Variants in ABCB4 observed in about 807,000 individuals in gnomAD.
ABCB4 encodes ATP binding cassette subfamily B member 4, also known as phosphatidylcholine translocator ABCB4.
Under a neutral mutation model 145.7 loss-of-function variants are expected in ABCB4, and 76 were observed. The ratio of observed to expected loss-of-function variants is 0.52; its 90% CI spans 0.43 to 0.63. The LOEUF (loss-of-function observed/expected upper bound fraction) is 0.63. Among genes scored for constraint, ABCB4 ranks in the 30% least tolerant of loss-of-function variants. The pLI, the probability that ABCB4 is intolerant of heterozygous loss-of-function variation, is 0.00. For missense variants in ABCB4, 1,234 were observed against 1,553.1 expected (o/e 0.79, Z 3.45); for synonymous variants, 517 against 566.8 (o/e 0.91, Z 1.25).
intron 18 of ABCB4, among the ~76,000 whole-genome samples, chr7:87,421,489 T>C (rs1212375778): frequency 6.6e-6 from 1 of 152,160 alleles, no homozygotes; most frequent in Admixed American, 6.5e-5. Context: ...AATAAAAAAC[T>C]TGGTTTACTT....
intron 19 of ABCB4, among the ~76,000 whole-genome samples, 184 bp downstream of exon 19, chr7:87,419,814 C>CA (rs1274551920): frequency 5.1e-5 from 7 of 136,362 alleles, no homozygotes; most frequent in Admixed American, 2.1e-4. Flanking sequence ...AAAAAAAAAA[C>CA]AAAAAAAACA....
upstream of ABCB4, chr7:87,475,735 C>G (rs1813773486): frequency 2.6e-6 from 1 of 385,996 alleles, no homozygotes; most frequent in Non-Finnish European, 4.6e-6. Context: ...CCCCCGCCCC[C>G]GCCCCCCACG....
chr7:87,409,115 A>T, intron 24 of ABCB4, 121 bp downstream of exon 24: 2 of 1,213,682 alleles, frequency 1.6e-6, no homozygotes, highest in Non-Finnish European at 2.4e-6. Flanking sequence ...TATAAATATT[A>T]CAAATTAAAT....
At chr7:87,395,000 C>T in the ABCB4 span, among the ~76,000 whole-genome samples, 1 of 151,448 alleles carries the variant, frequency 6.6e-6, no homozygotes, top group Non-Finnish European at 1.5e-5. Flanking sequence ...AAAAAAAATG[C>T]CACAAAGGAC....
chr7:87,442,269 T>C (rs1811041252), intron 12 of ABCB4, among the ~76,000 whole-genome samples: 2 of 152,082 alleles, frequency 1.3e-5, no homozygotes, highest in African/African-American at 4.8e-5. Context: ...ATTTTTCCAA[T>C]AATATTAATT....
Position 87,406,387 on chromosome 7 carries a change from A to G in ABCB4, c.3387T>C (p.Asn1129=). Residue 1129 remains asparagine, a synonymous_variant, in exon 26 of 28, where the codon AAT becomes AAC. Transcript: ENST00000649586. ...CCCGGCTGTTGTCTCCATAGGCAAT[A>G]TTCTCGGCAATGCTGCAGTCAAATA... is the stretch of plus-strand genomic sequence containing the variant. The part of the protein sequence containing the change: ...PILFDCSIAE[N]IAYGDNSRVV... 6.2e-7 allele frequency: 1 copy of G among 1,614,158 alleles called. No homozygotes were observed. Among genetic ancestry groups the G allele is most frequent in the South Asian group, 1.1e-5 (1 of 91,066 alleles).
chr7:87,369,853 A>G, the ABCB4 span, among the ~76,000 whole-genome samples: 1 of 139,666 alleles, frequency 7.2e-6, no homozygotes, highest in African/African-American at 2.8e-5. Flanking sequence ...ATATATGTAT[A>G]TACATATATA....
intron 15 of ABCB4, 118 bp from the exon 16 acceptor site, chr7:87,427,038 G>T: frequency 1.1e-6 from 1 of 896,576 alleles, no homozygotes; most frequent in Non-Finnish European, 1.7e-6. Flanking sequence ...AATATTACAT[G>T]TATCAAGATT....
At position 87,407,738 on chromosome 7, in the gene ABCB4, C is replaced by T. The variant is rs555018772; in HGVS notation, c.3279+299G>A. On this transcript the variant is annotated intron_variant, in intron 25 of 27. Coordinates refer to ENST00000649586, the MANE Select transcript of ABCB4 (RefSeq NM_000443.4). ...AATTTGGGCAGGAGTCTGTAGTTCACCTTTATAAGCCAGTAAGTCAGTATT... is the reference window on the plus strand; with the variant it reads ...AATTTGGGCAGGAGTCTGTAGTTCATCTTTATAAGCCAGTAAGTCAGTATT... Among the ~76,000 whole-genome samples the T allele has an allele frequency of 3.3e-5, 5 of 152,272 alleles. No homozygotes were observed. In the East Asian group the frequency reaches 9.6e-4, roughly 29 times the overall value.
chr7:87,409,195 G>A (rs763596549), intron 24 of ABCB4, 41 bp downstream of exon 24: 1 of 1,612,680 alleles, frequency 6.2e-7, no homozygotes, highest in Non-Finnish European at 8.5e-7. Context: ...CAAACCTTAG[G>A]GAAAAATTGA....
intron 3 of ABCB4, among the ~76,000 whole-genome samples, chr7:87,470,499 T>C (rs1813291957): frequency 6.6e-6 from 1 of 151,136 alleles, no homozygotes; most frequent in East Asian, 2.2e-4. Context: ...ATCCAGAATC[T>C]ACAAAGAACT....
intron 15 of ABCB4, among the ~76,000 whole-genome samples, chr7:87,429,990 G>A (rs1322803985): frequency 6.6e-6 from 1 of 150,758 alleles, no homozygotes; most frequent in African/African-American, 2.4e-5. Context: ...AAACATTTCA[G>A]TAGGTTGTTT....
chr7:87,468,750 G>T (rs1234109300), intron 3 of ABCB4, among the ~76,000 whole-genome samples: 4 of 151,882 alleles, frequency 2.6e-5, no homozygotes, highest in Admixed American at 2.0e-4. Context: ...GGCTAACATG[G>T]TGAAACCCTG....
the ABCB4 span, chr7:87,369,493 A>G: frequency 6.9e-6 from 11 of 1,590,352 alleles, no homozygotes; most frequent in Non-Finnish European, 9.5e-6. Context: ...AGGTTTTCAG[A>G]CTACTTTCTT....
At chr7:87,427,737 A>G (rs1383423517) in intron 15 of ABCB4, among the ~76,000 whole-genome samples, 5 of 152,186 alleles carry the variant, frequency 3.3e-5, no homozygotes, top group African/African-American at 1.2e-4. Context: ...TGTACATACA[A>G]TAGCCAATCA....
chr7:87,383,184 C>T, the ABCB4 span, among the ~76,000 whole-genome samples: 1 of 152,172 alleles, frequency 6.6e-6, no homozygotes, highest in East Asian at 1.9e-4. Context: ...AGTCAACCTA[C>T]TGTGCTATCG....
At chr7:87,426,955 G>GTGTA in intron 15 of ABCB4, 35 bp from the exon 16 acceptor site, 1 of 1,498,538 alleles carries the variant, frequency 6.7e-7, no homozygotes, top group Non-Finnish European at 9.2e-7. Context: ...GTGTGTGTGT[G>GTGTA]TGTGTGTGTG....
chr7:87,381,978 T>C, the ABCB4 span: 6 of 1,605,022 alleles, frequency 3.7e-6, no homozygotes, highest in South Asian at 5.6e-5. Flanking sequence ...TTTTTCAGAA[T>C]GAAGGAAGAT....
intron 21 of ABCB4, among the ~76,000 whole-genome samples, chr7:87,415,011 T>G (rs182648100): frequency 6.6e-6 from 1 of 152,226 alleles, no homozygotes; most frequent in African/African-American, 2.4e-5. Context: ...TGATGTGGAG[T>G]CCATGTTCCT....
Sources: gnomAD v4.1 joint callset for allele counts (sites outside exome capture counted in the v4.1 genomes callset) on GRCh38, gnomAD v4.1.1 for gene constraint, MANE v1.5 for transcripts, NCBI Gene and HGNC (gene_info 2026-07-23, HGNC 2026-07-21) for gene names.